Variants in SLC25A48 observed in about 807,000 individuals in gnomAD.
SLC25A48 encodes the protein CTC-321K16.1.
A neutral mutation model predicts 32.2 loss-of-function variants in SLC25A48; 29 were observed. The ratio of observed to expected loss-of-function variants is 0.90; its 90% confidence interval spans 0.67 to 1.23. The LOEUF is 1.23. Among genes scored for constraint, SLC25A48 ranks in the 50% most tolerant of loss-of-function variants. SLC25A48 has a pLI of 0.00. For synonymous variants in SLC25A48, 164 were observed against 172.3 expected (o/e 0.95, Z 0.38); for missense variants, 399 against 422.7 (o/e 0.94, Z 0.49).
rs570771368 is a variant in SLC25A48, at chr5:135,730,203, G to A, written c.-520-82320G>A. Among the ~76,000 whole-genome samples the A allele has an allele frequency of 7.2e-5, 11 of 152,264 alleles. No homozygotes were observed. In the South Asian group the frequency reaches 2.1e-3, roughly 29 times the overall value. On this transcript the variant is annotated intron_variant, in intron 3 of 10. Coordinates refer to the SLC25A48 transcript ENST00000646290. Reference sequence around the variant, plus strand: ...CCTATAACAAACCTCTGCTGTTACTGTTCCAATTTGATATGGTTTGGCTGT... The same window carrying A: ...CCTATAACAAACCTCTGCTGTTACTATTCCAATTTGATATGGTTTGGCTGT...
rs541334233 is a variant in SLC25A48, at chr5:135,817,492, T to C, written c.-117+4566T>C. Among the ~76,000 whole-genome samples, 190 of 152,302 alleles carry C rather than the reference T, an allele frequency of 1.2e-3. 1 individual carries two copies. Among genetic ancestry groups the C allele is most frequent in the African/African-American group, 4.5e-3 (186 of 41,562 alleles). ...ACAATAGCTATCCAAATGGAAAATA[T>C]AGATAAATCTTGCTCCCAAACTCAA... On this transcript the variant is annotated intron_variant, in intron 4 of 10. Coordinates refer to the SLC25A48 transcript ENST00000646290.
At chr5:135,860,620 A>ACAC (rs1760698646) in intron 4 of SLC25A48, among the ~76,000 whole-genome samples, 1 of 152,212 alleles carries the variant, frequency 6.6e-6, no homozygotes, top group Non-Finnish European at 1.5e-5. Flanking sequence ...ACCAAACAGA[A>ACAC]CACCATAGAG....
chr5:135,776,812 G>A (rs549199034), intron 3 of SLC25A48, among the ~76,000 whole-genome samples: 1 of 151,830 alleles, frequency 6.6e-6, no homozygotes, highest in East Asian at 1.9e-4. Flanking sequence ...TAATGTCCAG[G>A]GGAAAGAGAA....
chr5:135,764,703 A>G (rs893046104), intron 3 of SLC25A48, among the ~76,000 whole-genome samples: 10 of 139,578 alleles, frequency 7.2e-5, no homozygotes, highest in Admixed American at 3.5e-4. Flanking sequence ...AATTCATAAT[A>G]TCTGGGGGGG....
rs181489069 is a variant in SLC25A48, at chr5:135,641,609, G to A, written c.-521+6653G>A. On this transcript the variant is annotated intron_variant, in intron 3 of 10. Transcript: ENST00000646290. ...AATCAGCATTAGTGATGACCTCTTT[G>A]GGTAGCTGTAGGGCAGAATTTGTCC... Among the ~76,000 whole-genome samples, 341 of 152,284 alleles carry A rather than the reference G, an allele frequency of 2.2e-3. 3 individuals carry two copies. Among genetic ancestry groups the A allele is most frequent in the African/African-American group, 7.9e-3 (328 of 41,562 alleles).
At chr5:135,861,282 A>G (rs1330045300) in intron 4 of SLC25A48, among the ~76,000 whole-genome samples, 8 of 151,492 alleles carry the variant, frequency 5.3e-5, no homozygotes, top group Non-Finnish European at 8.8e-5. Context: ...AATATTTAAA[A>G]TGGATGTGCA....
intron 3 of SLC25A48, among the ~76,000 whole-genome samples, chr5:135,672,668 T>C (rs189002134): frequency 6.6e-6 from 1 of 152,276 alleles, no homozygotes; most frequent in East Asian, 1.9e-4. Context: ...ACATCCCCTG[T>C]TTTTTTCGTA....
At chr5:135,820,084 A>G (rs1757841320) in intron 4 of SLC25A48, among the ~76,000 whole-genome samples, 1 of 152,144 alleles carries the variant, frequency 6.6e-6, no homozygotes, top group Non-Finnish European at 1.5e-5. Flanking sequence ...TATTTACCTA[A>G]GAGAATGAAA....
chr5:135,785,991 C>T (rs1406960220), intron 3 of SLC25A48, among the ~76,000 whole-genome samples: 1 of 150,960 alleles, frequency 6.6e-6, no homozygotes. Flanking sequence ...TTGAAACACG[C>T]CCCTTGCTCC....
At chr5:135,621,877 C>G (rs1396762837) in intron 1 of SLC25A48, among the ~76,000 whole-genome samples, 1 of 152,028 alleles carries the variant, frequency 6.6e-6, no homozygotes, top group Admixed American at 6.6e-5. Flanking sequence ...AAAATACATT[C>G]CAGGTGAATT....
chr5:135,732,086 C>T (rs1755239048), intron 3 of SLC25A48, among the ~76,000 whole-genome samples: 2 of 152,278 alleles, frequency 1.3e-5, no homozygotes, highest in Admixed American at 1.3e-4. Context: ...ATTCCAAGGA[C>T]AGGCCCGAAT....
intron 3 of SLC25A48, among the ~76,000 whole-genome samples, chr5:135,651,510 G>C (rs1001323507): frequency 5.3e-5 from 8 of 152,118 alleles, no homozygotes; most frequent in African/African-American, 1.9e-4. Context: ...CATCCAGTAG[G>C]CCATGGCTAT....
At chr5:135,716,268 A>G (rs569922797) in intron 3 of SLC25A48, among the ~76,000 whole-genome samples, 6 of 152,188 alleles carry the variant, frequency 3.9e-5, no homozygotes, top group Admixed American at 6.5e-5. Flanking sequence ...ACTTAGCACA[A>G]TTACTGAGAA....
intron 3 of SLC25A48, among the ~76,000 whole-genome samples, chr5:135,787,900 GC>G (rs1159624575): frequency 4.0e-5 from 6 of 151,622 alleles, no homozygotes; most frequent in Non-Finnish European, 8.8e-5. Flanking sequence ...TGATATTACT[GC>G]TAATAGCCTT....
Position 135,784,407 on chromosome 5 carries a change from G to A in SLC25A48, c.-520-28116G>A, listed in dbSNP as rs761413863. ...GGTTGATATTACTCCCAATATCCCA[G>A]CAAGTATACACCCACCCTGTGATAT... On this transcript the variant is annotated intron_variant, in intron 3 of 10. Coordinates refer to the SLC25A48 transcript ENST00000646290. Among the ~76,000 whole-genome samples the A allele has an allele frequency of 9.4e-4, 111 of 117,834 alleles. 37 individuals carry two copies. Among genetic ancestry groups the A allele is most frequent in the Non-Finnish European group, 1.6e-3 (75 of 47,642 alleles). 77.3% of individuals were successfully genotyped at this position (117,834 alleles called of 152,430 possible). A position where few individuals can be genotyped will look rare whatever the true frequency, so the allele number is the denominator to read the frequency against.
intron 2 of SLC25A48, among the ~76,000 whole-genome samples, chr5:135,849,768 A>G (rs1182619433): frequency 6.6e-6 from 1 of 152,180 alleles, no homozygotes; most frequent in Non-Finnish European, 1.5e-5. Context: ...GGCTGGAGGC[A>G]GGAAAGAATT....
chr5:135,750,011 T>C (rs13163612), intron 3 of SLC25A48, among the ~76,000 whole-genome samples: 46,189 of 152,036 alleles, frequency 0.3, 7,169 homozygotes, highest in East Asian at 0.46. Flanking sequence ...CGTCTGTCTC[T>C]AGCTCCAGCA....
At chr5:135,834,919 G>A in intron 1 of SLC25A48, 26 bp downstream of exon 1, 1 of 1,595,708 alleles carries the variant, frequency 6.3e-7, no homozygotes, top group Non-Finnish European at 8.5e-7. Context: ...GGGGACCCCC[G>A]GTCAGAGAGA....
chr5:135,598,847 C>T (rs971672017), intron 1 of SLC25A48, among the ~76,000 whole-genome samples: 3 of 152,122 alleles, frequency 2.0e-5, no homozygotes, highest in Non-Finnish European at 4.4e-5. Context: ...TGCGCAGCGT[C>T]CGTAAACCAG....
Sources: allele counts gnomAD v4.1 joint callset (sites outside exome capture counted in the v4.1 genomes callset), GRCh38; gene constraint gnomAD v4.1.1; transcripts MANE v1.5; gene names NCBI Gene and HGNC (gene_info 2026-07-23, HGNC 2026-07-21).